CEP112: variants seen among roughly 807,000 people sequenced by gnomAD.
CEP112 encodes centrosomal protein of 112 kDa.
CEP112 carries 127 observed loss-of-function variants against 153.0 expected under a neutral mutation model. The observed-to-expected ratio is 0.83, with a 90% CI of 0.72 to 0.96. The LOEUF (loss-of-function observed/expected upper bound fraction) is 0.96, where lower values mean the gene tolerates loss of function less well. Among genes scored for constraint, CEP112 ranks in the 40% least tolerant of loss-of-function variants. CEP112 has a pLI of 0.00. For synonymous variants in CEP112, 358 were observed against 374.4 expected, an observed-to-expected ratio of 0.96 and a Z score of 0.51; for missense variants, 1,089 against 1,101.2, an observed-to-expected ratio of 0.99 and a Z score of 0.16.
intron 20 of CEP112, among the ~76,000 whole-genome samples, chr17:65,890,069 AC>A (rs1234617221): frequency 1.3e-5 from 2 of 152,240 alleles, no homozygotes; most frequent in Non-Finnish European, 2.9e-5. Context: ...ACAAATTTGC[AC>A]AAAGTAAGTA....
intron 21 of CEP112, among the ~76,000 whole-genome samples, chr17:65,777,579 T>G (rs2053753554): frequency 6.6e-6 from 1 of 152,150 alleles, no homozygotes; most frequent in Non-Finnish European, 1.5e-5. Flanking sequence ...AGGCCAGTGA[T>G]CAATAAGCAG....
At chr17:65,679,594 G>A (rs957490215) in intron 24 of CEP112, among the ~76,000 whole-genome samples, 5 of 152,118 alleles carry the variant, frequency 3.3e-5, no homozygotes, top group African/African-American at 1.2e-4. Context: ...TTGGAAATCT[G>A]TAGAAGACCA....
At chr17:65,757,776 A>G (rs1299988776) in intron 21 of CEP112, among the ~76,000 whole-genome samples, 2 of 152,240 alleles carry the variant, frequency 1.3e-5, no homozygotes, top group Admixed American at 6.5e-5. Flanking sequence ...TTGAAAATTC[A>G]TGGCTAACTT....
chr17:65,724,431 A>G (rs186365977), intron 23 of CEP112, among the ~76,000 whole-genome samples: 1 of 152,352 alleles, frequency 6.6e-6, no homozygotes. Flanking sequence ...AAATAACTAT[A>G]TAAATGTAAA....
chr17:66,159,095 T>C (rs1489466208), intron 4 of CEP112, among the ~76,000 whole-genome samples: 1 of 152,072 alleles, frequency 6.6e-6, no homozygotes, highest in Admixed American at 6.6e-5. Context: ...AACTAGAAGA[T>C]CTAGAAGAAA....
chr17:66,086,360 T>C lies in CEP112; in HGVS notation c.768+9891A>G, dbSNP rs1262624169. On this transcript the variant is annotated intron_variant, in intron 8 of 26. Coordinates refer to ENST00000535342, the MANE Select transcript of CEP112 (RefSeq NM_001199165.4). ...GTTGAATAAAAGGGATTTAAGCAAG[T>C]AGACATAAGATTTTCTTTTCTTTTT... Among the ~76,000 whole-genome samples, 3 of 142,264 alleles carry C rather than the reference T, an allele frequency of 2.1e-5. No homozygotes were observed. In the Admixed American group the frequency reaches 2.1e-4, roughly 10 times the overall value. 93.3% of individuals were successfully genotyped at this position (142,264 alleles called of 152,430 possible).
intron 21 of CEP112, among the ~76,000 whole-genome samples, chr17:65,798,738 T>C (rs981826882): frequency 1.3e-5 from 2 of 152,226 alleles, no homozygotes; most frequent in Non-Finnish European, 2.9e-5. Flanking sequence ...TTTAGAAAGG[T>C]TATAGTTAAT....
Position 66,164,244 on chromosome 17 carries a change from T to C in CEP112, c.470+10800A>G, listed in dbSNP as rs182172862. ...TTAAGTGTCTATCAGCAAGTGTCCA[T>C]TGTATAAAAGATTGTCAAATTAGTC... On this transcript the variant is annotated intron_variant, in intron 4 of 26. Transcript: ENST00000535342. Among the ~76,000 whole-genome samples the C allele has an allele frequency of 3.5e-4, 53 of 152,314 alleles. No homozygotes were observed. The East Asian group carries it at 6.2e-3, about 18-fold the overall frequency.
intron 18 of CEP112, among the ~76,000 whole-genome samples, chr17:65,939,645 G>A (rs2061449741): frequency 6.6e-6 from 1 of 152,008 alleles, no homozygotes; most frequent in Admixed American, 6.6e-5. Flanking sequence ...GAGAAAGGAT[G>A]GTCTCTTCAA....
intron 24 of CEP112, among the ~76,000 whole-genome samples, chr17:65,681,308 C>T (rs2047511391): frequency 6.6e-6 from 1 of 152,098 alleles, no homozygotes; most frequent in Non-Finnish European, 1.5e-5. Context: ...TTTGCATCCT[C>T]CTCTATCTTC....
chr17:66,078,169 C>T (rs932769645), intron 8 of CEP112, among the ~76,000 whole-genome samples: 5 of 151,894 alleles, frequency 3.3e-5, no homozygotes, highest in African/African-American at 9.7e-5. Context: ...TGTTGAAGAT[C>T]AGTGGGCTGT....
chr17:66,080,916 A>G (rs959264248), intron 8 of CEP112, among the ~76,000 whole-genome samples: 2 of 152,220 alleles, frequency 1.3e-5, no homozygotes, highest in African/African-American at 4.8e-5. Context: ...ACAAGAACAG[A>G]AAACCAAATA....
intron 18 of CEP112, among the ~76,000 whole-genome samples, chr17:65,955,185 C>G (rs927279955): frequency 6.6e-6 from 1 of 152,166 alleles, no homozygotes; most frequent in Non-Finnish European, 1.5e-5. Flanking sequence ...ACCCTAAAAG[C>G]TGGCAAGGAG....
At chr17:66,061,905 C>T (rs939373645) in intron 11 of CEP112, among the ~76,000 whole-genome samples, 2 of 152,126 alleles carry the variant, frequency 1.3e-5, no homozygotes, top group African/African-American at 2.4e-5. Flanking sequence ...CCCATAATCC[C>T]TATGTGTCAA....
At chr17:65,923,583 T>C (rs2060811395) in intron 19 of CEP112, among the ~76,000 whole-genome samples, 1 of 152,146 alleles carries the variant, frequency 6.6e-6, no homozygotes, top group African/African-American at 2.4e-5. Context: ...TCCAAAATAT[T>C]ATTCCATTTT....
intron 24 of CEP112, among the ~76,000 whole-genome samples, chr17:65,657,910 G>T (rs2046140163): frequency 6.6e-6 from 1 of 152,180 alleles, no homozygotes. Flanking sequence ...GAACAAAGTT[G>T]TTGTTGAATA....
rs555040000 is a variant in CEP112, at chr17:66,130,343, G to C, written c.565-520C>G. Among the ~76,000 whole-genome samples the C allele has an allele frequency of 6.6e-5, 10 of 152,238 alleles. No homozygotes were observed. The South Asian group carries it at 2.1e-3, about 32-fold the overall frequency. On this transcript the variant is annotated intron_variant, in intron 5 of 26. Transcript: ENST00000535342. ...GTGTATTGTCGGGGGCAGGGGCGAC[G>C]TGAAAAGATGAATTATTCTCATAAA...
chr17:65,970,638 G>A (rs577672266), intron 17 of CEP112, among the ~76,000 whole-genome samples: 7 of 152,006 alleles, frequency 4.6e-5, no homozygotes, highest in Non-Finnish European at 7.4e-5. Context: ...CATATTACAT[G>A]CATGCACGCA....
intron 23 of CEP112, among the ~76,000 whole-genome samples, chr17:65,709,942 C>T (rs529765981): frequency 6.6e-6 from 1 of 152,310 alleles, no homozygotes; most frequent in African/African-American, 2.4e-5. Context: ...GCTCTATCTA[C>T]AGAATAATTT....
Sources: allele counts gnomAD v4.1 joint callset (sites outside exome capture counted in the v4.1 genomes callset), GRCh38; gene constraint gnomAD v4.1.1; transcripts MANE v1.5; gene names NCBI Gene and HGNC (gene_info 2026-07-23, HGNC 2026-07-21).